The following RASSF3 variants were observed in gnomAD, a reference collection of about 807,000 sequenced individuals.
The protein encoded by RASSF3 is Ras association domain family member 3, also known as ras association domain-containing protein 3.
In RASSF3, 19 loss-of-function variants were observed where a neutral mutation model predicts 19.9. That is an observed-to-expected ratio of 0.96 (90% CI 0.67 to 1.40). The LOEUF (loss-of-function observed/expected upper bound fraction) is 1.40, where lower values mean the gene tolerates loss of function less well. RASSF3 is among the 40% of genes most tolerant of loss of function. The probability of loss-of-function intolerance (pLI) is 0.00; values close to 1 mark genes in which losing one functional copy is unlikely to be tolerated. For synonymous variants in RASSF3, 110 were observed against 104.2 expected, an observed-to-expected ratio of 1.06 and a Z score of -0.34; for missense variants, 306 against 289.8, an observed-to-expected ratio of 1.06 and a Z score of -0.41.
intron 1 of RASSF3, among the ~76,000 whole-genome samples, chr12:64,541,186 A>G (rs1868927737): frequency 6.8e-6 from 1 of 148,118 alleles, no homozygotes. Context: ...GGGTTTCGCC[A>G]TGTTGCCCAG....
intron 1 of RASSF3, among the ~76,000 whole-genome samples, chr12:64,630,724 G>C (rs1871143987): frequency 6.6e-6 from 1 of 152,118 alleles, no homozygotes. Context: ...CTGGTTAATT[G>C]GGAGGCATTA....
downstream of RASSF3, among the ~76,000 whole-genome samples, chr12:64,546,495 C>T (rs1445295421): frequency 1.3e-5 from 2 of 152,196 alleles, no homozygotes; most frequent in Non-Finnish European, 2.9e-5. Context: ...TGGTCTCGAT[C>T]TCCTGACCTC....
chr12:64,542,524 G>A (rs952099411), downstream of RASSF3, among the ~76,000 whole-genome samples: 5 of 152,198 alleles, frequency 3.3e-5, no homozygotes, highest in South Asian at 1.0e-3. Flanking sequence ...AGCTGGCAGT[G>A]ATGCCTGCTC....
In RASSF3 at chr12:64,519,362, G is replaced by A. The variant is rs1258814985; in HGVS notation, c.169+12033G>A. 3.3e-5 allele frequency among the ~76,000 whole-genome samples: 5 copies of A among 152,232 alleles called. No homozygotes were observed. The East Asian group carries it at 7.7e-4, about 24-fold the overall frequency. On this transcript the variant is annotated intron_variant, in intron 1 of 5. Transcript: ENST00000637125. ...GTGGTGGTTGCAGTGAGCCAAGATC[G>A]TGCCACTGCACTCCAGCCTGGGTGA... is the stretch of plus-strand genomic sequence containing the variant.
chr12:64,599,755 G>C (rs754127187), intron 2 of RASSF3, among the ~76,000 whole-genome samples: 1 of 152,150 alleles, frequency 6.6e-6, no homozygotes, highest in Non-Finnish European at 1.5e-5. Flanking sequence ...CTGATAAGCC[G>C]GGCGCGGTGG....
chr12:64,627,857 T>G (rs868109324), intron 1 of RASSF3, among the ~76,000 whole-genome samples: 2 of 152,218 alleles, frequency 1.3e-5, no homozygotes, highest in African/African-American at 2.4e-5. Context: ...GGCTTCAGTT[T>G]CTTCCTCAAA....
At chr12:64,691,218 A>C (rs553099805) in intron 3 of RASSF3, among the ~76,000 whole-genome samples, 1 of 152,316 alleles carries the variant, frequency 6.6e-6, no homozygotes, top group South Asian at 2.1e-4. Context: ...TTTTGGGACT[A>C]ATATCTATTA....
chr12:64,541,661 A>G, exon 2 of RASSF3: 2 of 398,642 alleles, frequency 5.0e-6, no homozygotes, highest in Non-Finnish European at 8.8e-6. Flanking sequence ...ATCAAGCTGC[A>G]TGCCGACTTC....
At chr12:64,565,432 G>A (rs1869412594) in intron 2 of RASSF3, among the ~76,000 whole-genome samples, 1 of 151,994 alleles carries the variant, frequency 6.6e-6, no homozygotes, top group African/African-American at 2.4e-5. Context: ...CAAAAATTAG[G>A]CCAGGTGCGG....
chr12:64,690,656 T>A (rs1037889760), intron 3 of RASSF3, among the ~76,000 whole-genome samples: 5 of 146,492 alleles, frequency 3.4e-5, no homozygotes, highest in South Asian at 2.2e-4. Context: ...GAAAAAAAAA[T>A]TTTTTTTTTT....
At chr12:64,680,153 T>C (rs561767718) in intron 1 of RASSF3, among the ~76,000 whole-genome samples, 1 of 152,256 alleles carries the variant, frequency 6.6e-6, no homozygotes, top group East Asian at 1.9e-4. Context: ...TTCATAATCA[T>C]TGTATGTGGA....
At chr12:64,578,819 C>CA (rs1869639089) in intron 2 of RASSF3, among the ~76,000 whole-genome samples, 1 of 152,224 alleles carries the variant, frequency 6.6e-6, no homozygotes, top group Non-Finnish European at 1.5e-5. Flanking sequence ...CTGCCTCCGT[C>CA]AGCCAGCTTG....
At chr12:64,693,144 C>CT (rs71434057) in intron 4 of RASSF3, among the ~76,000 whole-genome samples, 8,529 of 128,728 alleles carry the variant, frequency 0.066, 423 homozygotes, top group African/African-American at 0.15. Context: ...CCATGTTGCT[C>CT]TTTTTTTTTT....
At chr12:64,583,453 C>T (rs1453918830) in intron 2 of RASSF3, among the ~76,000 whole-genome samples, 2 of 152,272 alleles carry the variant, frequency 1.3e-5, no homozygotes, top group South Asian at 4.1e-4. Flanking sequence ...AAAACTTCAT[C>T]TCTACTAAAA....
chr12:64,583,991 C>T (rs1401289884), intron 2 of RASSF3, among the ~76,000 whole-genome samples: 1 of 152,200 alleles, frequency 6.6e-6, no homozygotes, highest in Non-Finnish European at 1.5e-5. Flanking sequence ...GAAATGGTGC[C>T]GTCCAGCTAA....
intron 1 of RASSF3, among the ~76,000 whole-genome samples, chr12:64,671,310 G>C (rs1445724513): frequency 6.6e-6 from 1 of 152,206 alleles, no homozygotes; most frequent in African/African-American, 2.4e-5. Flanking sequence ...GGTCACCCCA[G>C]CAGGGTTCAG....
chr12:64,686,378 C>T (rs1283378463), intron 2 of RASSF3, among the ~76,000 whole-genome samples: 2 of 151,988 alleles, frequency 1.3e-5, no homozygotes, highest in East Asian at 1.9e-4. Flanking sequence ...TTTGGGAGGC[C>T]GAGGTGGGCA....
chr12:64,575,478 A>G (rs1446753269), intron 2 of RASSF3, among the ~76,000 whole-genome samples: 2 of 152,160 alleles, frequency 1.3e-5, no homozygotes, highest in Non-Finnish European at 2.9e-5. Context: ...ACTTAACGCC[A>G]GGAGTTCAAG....
chr12:64,694,637 C>T, intron 4 of RASSF3, 126 bp from the exon 5 acceptor site: 1 of 1,050,204 alleles, frequency 9.5e-7, no homozygotes, highest in Admixed American at 1.9e-5. Flanking sequence ...CTCTTGCAGA[C>T]CACACCTTCT....
Sources: allele counts gnomAD v4.1 joint callset (sites outside exome capture counted in the v4.1 genomes callset), GRCh38; gene constraint gnomAD v4.1.1; transcripts MANE v1.5; gene names NCBI Gene and HGNC (gene_info 2026-07-23, HGNC 2026-07-21).